PLEKHM3: variants seen among roughly 807,000 people sequenced by gnomAD.
PLEKHM3 encodes pleckstrin homology domain-containing family M member 3.
Under a neutral mutation model 81.8 loss-of-function variants are expected in PLEKHM3, and 45 were observed. The observed-to-expected ratio is 0.55, with a 90% CI of 0.43 to 0.71. The LOEUF is 0.71. PLEKHM3 is among the 30% of genes least tolerant of loss of function. The pLI, the probability that PLEKHM3 is intolerant of heterozygous loss-of-function variation, is 0.00. For synonymous variants in PLEKHM3, 352 were observed against 356.4 expected, an observed-to-expected ratio of 0.99 and a Z score of 0.14; for missense variants, 788 against 924.3, an observed-to-expected ratio of 0.85 and a Z score of 1.91.
chr2:207,883,603 T>C (rs1213667357), intron 6 of PLEKHM3, among the ~76,000 whole-genome samples: 1 of 152,168 alleles, frequency 6.6e-6, no homozygotes, highest in Admixed American at 6.5e-5. Context: ...AGGTGTAGCG[T>C]GCAAGTATAA....
intron 3 of PLEKHM3, among the ~76,000 whole-genome samples, chr2:207,968,481 C>A (rs190707981): frequency 6.6e-6 from 1 of 152,168 alleles, no homozygotes; most frequent in African/African-American, 2.4e-5. Context: ...GTCTCCAAGC[C>A]ACTGGCCATG....
chr2:207,973,513 C>T (rs1387884639), intron 3 of PLEKHM3, among the ~76,000 whole-genome samples: 2 of 152,092 alleles, frequency 1.3e-5, no homozygotes, highest in Admixed American at 6.5e-5. Context: ...CTGAGGCAAG[C>T]GGATCACCTG....
At chr2:207,870,357 C>T (rs1421071582) in intron 6 of PLEKHM3, among the ~76,000 whole-genome samples, 1 of 152,172 alleles carries the variant, frequency 6.6e-6, no homozygotes, top group Non-Finnish European at 1.5e-5. Flanking sequence ...CTTCCTTAGC[C>T]ATTGTGTAAC....
At chr2:207,864,649 TTG>T (rs2092486167) in intron 6 of PLEKHM3, among the ~76,000 whole-genome samples, 1 of 152,238 alleles carries the variant, frequency 6.6e-6, no homozygotes. Context: ...TTTGAGCATC[TTG>T]TGCATAAAGT....
chr2:207,874,340 CGAGGTGGGCGGATCACCTGAGGTTGG>C (rs1365913753), intron 6 of PLEKHM3, among the ~76,000 whole-genome samples: 1 of 151,978 alleles, frequency 6.6e-6, no homozygotes, highest in East Asian at 2.0e-4. Context: ...CTTGGGAGGC[CGAGGTGGGCGGATCACCTGAGGTTGG>C]GAGTTCGAGA....
At chr2:207,993,192 G>C (rs1475060745) in intron 2 of PLEKHM3, among the ~76,000 whole-genome samples, 1 of 152,160 alleles carries the variant, frequency 6.6e-6, no homozygotes, top group Non-Finnish European at 1.5e-5. Flanking sequence ...GAAGTGTTAT[G>C]AATCAGAATG....
chr2:207,880,455 A>G (rs1452376966), intron 6 of PLEKHM3, among the ~76,000 whole-genome samples: 2 of 150,810 alleles, frequency 1.3e-5, no homozygotes, highest in Non-Finnish European at 3.0e-5. Context: ...ACATACAAAA[A>G]GTTTAGCTTC....
At chr2:207,881,581 T>G (rs1002388557) in intron 6 of PLEKHM3, among the ~76,000 whole-genome samples, 2 of 152,230 alleles carry the variant, frequency 1.3e-5, no homozygotes, top group African/African-American at 4.8e-5. Flanking sequence ...TAACTATGTG[T>G]GCTTCCCAAA....
At chr2:207,847,810 G>T (rs2092392396) in intron 7 of PLEKHM3, among the ~76,000 whole-genome samples, 1 of 152,132 alleles carries the variant, frequency 6.6e-6, no homozygotes, top group Non-Finnish European at 1.5e-5. Flanking sequence ...TCACTGAGTG[G>T]CTGCTTCCCA....
intron 7 of PLEKHM3, among the ~76,000 whole-genome samples, chr2:207,833,111 CAAAAA>C (rs71036960): frequency 1.4e-4 from 11 of 76,872 alleles, no homozygotes; most frequent in Admixed American, 2.9e-4. Context: ...GACACCATCT[CAAAAA>C]AAAAAAAAAA....
intron 5 of PLEKHM3, among the ~76,000 whole-genome samples, chr2:207,916,097 G>A (rs1182698745): frequency 6.6e-6 from 1 of 152,192 alleles, no homozygotes; most frequent in Admixed American, 6.5e-5. Context: ...CCATGTGGAA[G>A]AAACAAGCTT....
In PLEKHM3 at chr2:207,964,139, G is replaced by A. The variant is rs71418660; in HGVS notation, c.1546+12512C>T. ...AGGCAGGAGAATCACTTGAACCCAG[G>A]AGGCGGAGGTTGCAGTGAGCTGAGA... On this transcript the variant is annotated intron_variant, in intron 3 of 7. Transcript: ENST00000427836. Among the ~76,000 whole-genome samples the A allele has an allele frequency of 2.0e-5, 3 of 152,206 alleles. No homozygotes were observed. In the South Asian group the frequency reaches 6.2e-4, roughly 32 times the overall value.
intron 3 of PLEKHM3, among the ~76,000 whole-genome samples, chr2:207,947,925 A>G (rs1219962929): frequency 6.6e-6 from 1 of 152,230 alleles, no homozygotes; most frequent in African/African-American, 2.4e-5. Flanking sequence ...TCAGTAATTA[A>G]GCAGTTTCCC....
intron 6 of PLEKHM3, among the ~76,000 whole-genome samples, chr2:207,897,025 G>A (rs1410450225): frequency 6.6e-6 from 1 of 152,206 alleles, no homozygotes; most frequent in East Asian, 1.9e-4. Flanking sequence ...ACTCACTCAA[G>A]CGCAGGCCTA....
At chr2:207,993,096 T>C (rs1244266034) in intron 2 of PLEKHM3, among the ~76,000 whole-genome samples, 1 of 152,196 alleles carries the variant, frequency 6.6e-6, no homozygotes, top group South Asian at 2.1e-4. Flanking sequence ...TTAGTAACCA[T>C]AGTTTTCCTT....
At chr2:207,956,543 A>C (rs562301275) in intron 3 of PLEKHM3, among the ~76,000 whole-genome samples, 1 of 151,498 alleles carries the variant, frequency 6.6e-6, no homozygotes, top group South Asian at 2.1e-4. Context: ...TTAAAAAAAA[A>C]ATTTTTTTTT....
chr2:207,875,693 T>C (rs767235695), intron 6 of PLEKHM3, among the ~76,000 whole-genome samples: 7 of 152,098 alleles, frequency 4.6e-5, no homozygotes, highest in Non-Finnish European at 1.0e-4. Flanking sequence ...CTGGGCGTGG[T>C]AGTGTGGGTA....
At chr2:207,898,682 C>T (rs1453426723) in intron 6 of PLEKHM3, among the ~76,000 whole-genome samples, 2 of 152,058 alleles carry the variant, frequency 1.3e-5, no homozygotes, top group East Asian at 3.9e-4. Flanking sequence ...TGCTTGAGTC[C>T]AGGAATTCAA....
chr2:207,946,293 AT>A, intron 4 of PLEKHM3, 73 bp downstream of exon 4: 1 of 1,507,374 alleles, frequency 6.6e-7, no homozygotes. Context: ...TTTGATCACC[AT>A]CTTTATAATC....
Sources: gnomAD v4.1 joint callset for allele counts (sites outside exome capture counted in the v4.1 genomes callset) on GRCh38, gnomAD v4.1.1 for gene constraint, MANE v1.5 for transcripts, NCBI Gene and HGNC (gene_info 2026-07-23, HGNC 2026-07-21) for gene names.